Variants in ECRG4 observed in about 807,000 individuals in gnomAD.
The protein encoded by ECRG4 is ECRG4 augurin precursor, also known as augurin.
A neutral mutation model predicts 15.8 loss-of-function variants in ECRG4; 18 were observed. That is an observed-to-expected ratio of 1.14 (90% confidence interval 0.79 to 1.69). ECRG4 has a LOEUF of 1.69. Among genes scored for constraint, ECRG4 ranks in the 40% most tolerant of loss-of-function variants. ECRG4 has a pLI of 0.00. For synonymous variants in ECRG4, 82 were observed against 73.9 expected (o/e 1.11, Z -0.56); for missense variants, 200 against 190.9 (o/e 1.05, Z -0.28).
chr2:106,065,898 T>C, intron 1 of ECRG4, 55 bp downstream of exon 1: 2 of 1,410,056 alleles, frequency 1.4e-6, no homozygotes, highest in Non-Finnish European at 1.9e-6. Context: ...TGGCCCCATG[T>C]GGCGCTTCCA....
chr2:106,076,779 T>C (rs1676495703), intron 3 of ECRG4, among the ~76,000 whole-genome samples: 1 of 152,138 alleles, frequency 6.6e-6, no homozygotes, highest in African/African-American at 2.4e-5. Context: ...TTGGGGTGCA[T>C]GGGCCACGCT....
intron 1 of ECRG4, among the ~76,000 whole-genome samples, chr2:106,067,070 G>GGT (rs1676238186): frequency 1.0e-5 from 1 of 96,688 alleles, no homozygotes; most frequent in African/African-American, 3.7e-5. Context: ...GGGGGGGGGG[G>GGT]GGGGGCAGAT....
Position 106,073,866 on chromosome 2 carries a change from T to C in ECRG4, c.128-20T>C. 5.6e-6 allele frequency: 9 copies of C among 1,610,684 alleles called. No homozygotes were observed. The highest frequency in any genetic ancestry group is 7.6e-6 in the Non-Finnish European group (9 of 1,176,992). On this transcript the variant is annotated intron_variant, in intron 2 of 3. Coordinates refer to ENST00000238044, the MANE Select transcript of ECRG4 (RefSeq NM_032411.3). ...GAAGTCATTCTTTGTGCTTTGGGGATGGGGAATTGATGATTTCAGCACCTG... is the reference window on the plus strand; with the variant it reads ...GAAGTCATTCTTTGTGCTTTGGGGACGGGGAATTGATGATTTCAGCACCTG...
chr2:106,069,147 CTTTT>C (rs1676292389), intron 1 of ECRG4, among the ~76,000 whole-genome samples: 2 of 127,144 alleles, frequency 1.6e-5, no homozygotes, highest in South Asian at 5.5e-4. Context: ...TTCTTTCTTT[CTTTT>C]CTTTCTTTCT....
intron 2 of ECRG4, 159 bp downstream of exon 2, chr2:106,072,050 G>A (rs1676381984): frequency 1.7e-6 from 1 of 578,542 alleles, no homozygotes; most frequent in East Asian, 2.8e-5. Flanking sequence ...TTGGTATGTG[G>A]TGTGGTATCT....
chr2:106,069,163 TCTTTC>T (rs1676295000), intron 1 of ECRG4, among the ~76,000 whole-genome samples: 1 of 136,860 alleles, frequency 7.3e-6, no homozygotes, highest in Admixed American at 7.6e-5. Flanking sequence ...TTTCTTTCTT[TCTTTC>T]TTTTTTCTTT....
intron 3 of ECRG4, among the ~76,000 whole-genome samples, chr2:106,076,978 AT>A (rs1366557169): frequency 6.6e-6 from 1 of 152,198 alleles, no homozygotes; most frequent in Non-Finnish European, 1.5e-5. Context: ...TTTAAAAAAA[AT>A]GTATTAATAG....
chr2:106,071,870 C>A lies in ECRG4; in HGVS notation c.106C>A (p.Leu36Met). The A allele has an allele frequency of 5.0e-6, 8 of 1,613,650 alleles. No homozygotes were observed. Among genetic ancestry groups the A allele is most frequent in the Non-Finnish European group, 6.8e-6 (8 of 1,179,664 alleles). ...TGGCATAAGTGGAAATAAACTCAAG[C>A]TGATGCTTCAAAAACGAGAAGGTAA... ...PGGISGNKLK[L>M]MLQKREAPVP... Residue 36 changes from leucine (L) to methionine (M), a missense_variant, in exon 2 of 4, where the codon CTG becomes ATG. Leu to Met is a conservative substitution (Grantham distance 15, BLOSUM62 2). Coordinates refer to ENST00000238044, the MANE Select transcript of ECRG4 (RefSeq NM_032411.3).
intron 1 of ECRG4, among the ~76,000 whole-genome samples, chr2:106,067,061 G>GGGGA (rs1553411451): frequency 1.6e-5 from 1 of 61,274 alleles, no homozygotes; most frequent in African/African-American, 5.6e-5. Context: ...TGGGAGGCCG[G>GGGGA]GGGGGGGGGG....
chr2:106,073,497 C>G (rs952267662), intron 2 of ECRG4, among the ~76,000 whole-genome samples: 11 of 152,158 alleles, frequency 7.2e-5, no homozygotes, highest in African/African-American at 2.7e-4. Flanking sequence ...ATGGACATGC[C>G]CGTATACCTG....
In ECRG4 at chr2:106,071,780, T is replaced by C. The variant is rs1273630276; in HGVS notation, c.80-64T>C. On this transcript the variant is annotated intron_variant, in intron 1 of 3. Transcript: ENST00000238044. ...AGTTCTTTTCTCCCACTCTGATTTT[T>C]GCCTTTGATAAATTGAAGGGAGCAG... is the stretch of plus-strand genomic sequence containing the variant. The C allele has an allele frequency of 3.6e-6, 5 of 1,405,738 alleles. No homozygotes were observed. In the Admixed American group the frequency reaches 8.9e-5, roughly 25 times the overall value. 87.1% of individuals were successfully genotyped at this position (1,405,738 alleles called of 1,614,324 possible).
In ECRG4 at chr2:106,065,842, A is replaced by G; in HGVS notation, c.78A>G (p.Pro26=). The change falls in exon 1 of 4, where the codon CCA becomes CCG. Residue 26 remains proline, a splice_region_variant and synonymous_variant. Coordinates refer to ENST00000238044, the MANE Select transcript of ECRG4 (RefSeq NM_032411.3). Reference sequence around the variant, plus strand: ...TGCTCCTGCTCCTGTGCTGGGGCCCAGGTGAGCGGGGCGATGCCAGGCTGA... The same window carrying G: ...TGCTCCTGCTCCTGTGCTGGGGCCCGGGTGAGCGGGGCGATGCCAGGCTGA... ...LALLLLLCWG[P]GGISGNKLKL... is the part of the protein sequence containing the mutation. 1 of 1,479,270 alleles carries G rather than the reference A, an allele frequency of 6.8e-7. No homozygotes were observed. The highest frequency in any genetic ancestry group is 2.5e-5 in the Admixed American group (1 of 40,162). 91.6% of individuals were successfully genotyped at this position (1,479,270 alleles called of 1,614,324 possible).
chr2:106,068,190 G>T (rs1368439226), intron 1 of ECRG4, among the ~76,000 whole-genome samples: 1 of 151,980 alleles, frequency 6.6e-6, no homozygotes, highest in African/African-American at 2.4e-5. Context: ...ACCCCTTCTT[G>T]ATCAATTTAT....
chr2:106,072,778 C>CT (rs1194131021), intron 2 of ECRG4, among the ~76,000 whole-genome samples: 1 of 152,192 alleles, frequency 6.6e-6, no homozygotes, highest in Non-Finnish European at 1.5e-5. Flanking sequence ...TCTGAGGCGG[C>CT]TCAGAGGGCC....
upstream of ECRG4, among the ~76,000 whole-genome samples, chr2:106,064,094 T>C (rs1216787408): frequency 6.6e-6 from 1 of 152,250 alleles, no homozygotes; most frequent in African/African-American, 2.4e-5. Flanking sequence ...AATATATGCC[T>C]GGTTACTTTT....
At chr2:106,076,606 C>T (rs1676492217) in intron 3 of ECRG4, among the ~76,000 whole-genome samples, 1 of 152,148 alleles carries the variant, frequency 6.6e-6, no homozygotes, top group African/African-American at 2.4e-5. Flanking sequence ...CAGACACGGG[C>T]TAGGCTGGGG....
intron 1 of ECRG4, among the ~76,000 whole-genome samples, chr2:106,067,060 G>GC (rs1676234056): frequency 2.1e-5 from 1 of 48,230 alleles, no homozygotes; most frequent in Non-Finnish European, 4.8e-5. Flanking sequence ...TTGGGAGGCC[G>GC]GGGGGGGGGG....
rs767339420 is a variant in ECRG4 at position 106,077,823 on chromosome 2, A to G, written c.344A>G (p.Tyr115Cys). ...LNRDRNGHEY[Y>C]GDYYQRHYDE... is the part of the protein sequence containing the mutation. ...AGAGATCGAAATGGACATGAATACT[A>G]TGGCGATTACTACCAACGTCACTAT... The change falls in exon 4 of 4, where the codon TAT becomes TGT. Residue 115 changes from tyrosine (Y) to cysteine (C), a missense_variant. By Grantham distance (194) the Tyr-to-Cys change is radical (BLOSUM62 -2). Transcript: ENST00000238044. 19 of 1,614,010 alleles carry G rather than the reference A, an allele frequency of 1.2e-5. No homozygotes were observed. In the South Asian group the frequency reaches 1.9e-4, roughly 16 times the overall value.
At chr2:106,074,364 ATTC>A (rs1558658054) in intron 3 of ECRG4, 2 of 252,728 alleles carry the variant, frequency 7.9e-6, no homozygotes, top group African/African-American at 2.2e-5. Flanking sequence ...TTGCCAGGGT[ATTC>A]TTAAAATAAC....
Sources: gnomAD v4.1 joint callset for allele counts (sites outside exome capture counted in the v4.1 genomes callset) on GRCh38, gnomAD v4.1.1 for gene constraint, MANE v1.5 for transcripts, NCBI Gene and HGNC (gene_info 2026-07-23, HGNC 2026-07-21) for gene names.